The following ISLR2 variants were observed in gnomAD, a reference collection of about 807,000 sequenced individuals.
ISLR2 encodes the protein immunoglobulin superfamily containing leucine-rich repeat protein 2.
ISLR2 carries 16 observed loss-of-function variants against 25.5 expected under a neutral mutation model. That is an observed-to-expected ratio of 0.63 (90% CI 0.43 to 0.95). The LOEUF (loss-of-function observed/expected upper bound fraction) is 0.95, where lower values mean the gene tolerates loss of function less well. ISLR2 is among the 40% of genes least tolerant of loss of function. ISLR2 has a pLI of 0.00. For missense variants in ISLR2, 883 were observed against 1,030.7 expected, an observed-to-expected ratio of 0.86 and a Z score of 1.96; for synonymous variants, 508 against 486.6, an observed-to-expected ratio of 1.04 and a Z score of -0.58.
rs1249263412 is a variant in ISLR2 at position 74,135,239 on chromosome 15, C to G, written c.*247C>G. 5.4e-6 allele frequency: 3 copies of G among 550,640 alleles called. No individual in the cohort carries two copies. Among genetic ancestry groups the G allele is most frequent in the East Asian group, 3.1e-5 (1 of 32,600 alleles). 34.1% of individuals were successfully genotyped at this position (550,640 alleles called of 1,614,324 possible). A position where few individuals can be genotyped will look rare whatever the true frequency, so the allele number is the denominator to read the frequency against. On this transcript the variant is annotated 3_prime_UTR_variant, in exon 3 of 3. Transcript: ENST00000453268. ...CTTCCCCGCCAAGCACAGTGTTTAT[C>G]TTACCCCATGCAAGACTCCACCCGC...
At chr15:74,127,773 G>A (rs1003269682), upstream of ISLR2, 1 of 152,382 alleles carries the variant, frequency 6.6e-6, no homozygotes. Context: ...CAAGTCCCCA[G>A]ATCCAACCGG....
upstream of ISLR2, chr15:74,126,459 GC>G (rs1291624037): frequency 7.0e-6 from 1 of 143,698 alleles, no homozygotes; most frequent in Non-Finnish European, 1.5e-5. Context: ...AGATTCTCCT[GC>G]CTCAGCCTCC....
Position 74,133,501 on chromosome 15 carries a change from A to G in ISLR2, c.747A>G (p.Pro249=). The change falls in exon 3 of 3, where the codon CCA becomes CCG. Residue 249 remains proline, a synonymous_variant. Coordinates refer to ENST00000453268, the MANE Select transcript of ISLR2 (RefSeq NM_020851.3). ...CACCGCTTGAAGCACCCGGCACCCC[A>G]CTGCGCGCAGGACTGGCGTTCGTGT... ...AEPPLEAPGT[P]LRAGLAFVLH... The G allele has an allele frequency of 6.2e-7, 1 of 1,613,886 alleles. No homozygotes were observed. The highest frequency in any genetic ancestry group is 8.5e-7 in the Non-Finnish European group (1 of 1,179,948).
chr15:74,122,413 C>T lies in ISLR2; in HGVS notation n.229-8794C>T, dbSNP rs185755914. On this transcript the variant is annotated intron_variant and non_coding_transcript_variant, in intron 2 of 3. Transcript: ENST00000561975. ...GGAGTCCCATCCCCCAGGGGCAGCC[C>T]TTGGCCAATGTCTGACTGCTGTGCA... is the stretch of plus-strand genomic sequence containing the variant. Among the ~76,000 whole-genome samples, 790 of 152,374 alleles carry T rather than the reference C, an allele frequency of 5.2e-3. 9 individuals carry two copies. Among genetic ancestry groups the T allele is most frequent in the Admixed American group, 5.7e-3 (87 of 15,310 alleles).
Position 74,133,126 on chromosome 15 carries a change from G to T in ISLR2, c.372G>T (p.Ala124=). ...FPWSDLRNLS[A]LQLLKMNHNR... Reference sequence around the variant, plus strand: ...GGAGCGACCTGCGCAACCTGAGCGCGCTGCAGCTGCTCAAAATGAACCACA... The same window carrying T: ...GGAGCGACCTGCGCAACCTGAGCGCTCTGCAGCTGCTCAAAATGAACCACA... The change falls in exon 3 of 3, where the codon GCG becomes GCT. Residue 124 remains alanine (A), a synonymous_variant. Coordinates refer to ENST00000453268, the MANE Select transcript of ISLR2 (RefSeq NM_020851.3). 2.5e-6 allele frequency: 4 copies of T among 1,612,680 alleles called. No homozygotes were observed. The highest frequency in any genetic ancestry group is 3.4e-6 in the Non-Finnish European group (4 of 1,179,980).
intron 2 of ISLR2, among the ~76,000 whole-genome samples, chr15:74,113,195 G>A (rs566552182): frequency 6.6e-6 from 1 of 152,352 alleles, no homozygotes; most frequent in East Asian, 1.9e-4. Context: ...CGGAGCTCAG[G>A]CAGTAATGCT....
Position 74,112,113 on chromosome 15 carries a change from A to G in ISLR2, n.228+8199A>G, listed in dbSNP as rs188678604. On this transcript the variant is annotated intron_variant and non_coding_transcript_variant, in intron 2 of 3. Transcript: ENST00000561975. ...ATTTTTAAAGTTGCTTTAGGCAAAA[A>G]TATTAAATAAAAATAATATTGATTG... Among the ~76,000 whole-genome samples the G allele has an allele frequency of 1.3e-3, 204 of 152,362 alleles. 3 individuals are homozygous for G. The highest frequency in any genetic ancestry group is 4.8e-3 in the African/African-American group (198 of 41,582).
At chr15:74,116,256 A>C (rs2072210006) in intron 2 of ISLR2, among the ~76,000 whole-genome samples, 1 of 152,136 alleles carries the variant, frequency 6.6e-6, no homozygotes, top group South Asian at 2.1e-4. Context: ...TATGGGATTA[A>C]AAGCAGTTAA....
intron 2 of ISLR2, among the ~76,000 whole-genome samples, chr15:74,117,337 T>C (rs1312353816): frequency 6.6e-6 from 1 of 152,164 alleles, no homozygotes; most frequent in Non-Finnish European, 1.5e-5. Context: ...GAAATTGCAA[T>C]TTTTTGTTGC....
At chr15:74,129,112 C>T (rs753585920), upstream of ISLR2, 4 of 453,010 alleles carry the variant, frequency 8.8e-6, no homozygotes, top group African/African-American at 8.0e-5. This position sits in a 1 kb window ranked among gnomAD's most constrained non-coding sequence, Gnocchi z 4.5. Context: ...GGGGGGACTC[C>T]AGGCCCGAGC....
chr15:74,134,155 C>T lies in ISLR2; in HGVS notation c.1401C>T (p.Tyr467=), dbSNP rs773761053. The part of the protein sequence containing the change: ...QRCGNGDPSR[Y]VSNHAFNQSA... ...GTGGCAACGGGGACCCCTCTCGGTA[C>T]GTTTCTAACCACGCGTTCAACCAGA... The change falls in exon 3 of 3, where the codon TAC becomes TAT. Residue 467 remains tyrosine (Y), a synonymous_variant. Coordinates refer to ENST00000453268, the MANE Select transcript of ISLR2 (RefSeq NM_020851.3). The T allele has an allele frequency of 5.6e-6, 9 of 1,613,336 alleles. No homozygotes were observed. Among genetic ancestry groups the T allele is most frequent in the African/African-American group, 2.7e-5 (2 of 75,046 alleles).
rs2072470852 is a variant in ISLR2 at position 74,133,265 on chromosome 15, A to G, written c.511A>G (p.Ser171Gly). Reference sequence around the variant, plus strand: ...GGCGCCTGGCACCTTCGACGCGCTTAGCGCGCTGTCACACTTGCAACTCTA... The same window carrying G: ...GGCGCCTGGCACCTTCGACGCGCTTGGCGCGCTGTCACACTTGCAACTCTA... The part of the protein sequence containing the change: ...TLAPGTFDAL[S>G]ALSHLQLYHN... The change falls in exon 3 of 3, where the codon AGC becomes GGC. Residue 171 changes from serine (S) to glycine (G), a missense_variant. Physicochemically the swap from Ser to Gly is moderately conservative, Grantham distance 56. Around this residue, in one of 2 missense-constraint regions of ISLR2, gnomAD observed 271 missense variants for 387.9 expected, o/e 0.70. Transcript: ENST00000453268. The G allele has an allele frequency of 2.5e-6, 4 of 1,611,576 alleles. No homozygotes were observed. The East Asian group carries it at 8.9e-5, about 36-fold the overall frequency.
intron 2 of ISLR2, among the ~76,000 whole-genome samples, chr15:74,108,918 G>A (rs2072143891): frequency 6.6e-6 from 1 of 152,204 alleles, no homozygotes; most frequent in Admixed American, 6.5e-5. Flanking sequence ...CCCAGGCCCA[G>A]GGTGTGACCT....
upstream of ISLR2, chr15:74,128,376 C>T (rs1304116098): frequency 6.8e-6 from 3 of 441,480 alleles, no homozygotes; most frequent in Admixed American, 2.7e-5. Context: ...GAGCTAGAGC[C>T]TCCGGGCCCG....
chr15:74,123,968 C>T (rs1051859483), upstream of ISLR2, among the ~76,000 whole-genome samples: 3 of 152,050 alleles, frequency 2.0e-5, no homozygotes, highest in Non-Finnish European at 2.9e-5. Flanking sequence ...GTTTGATCCT[C>T]AGCCCAAATA....
At chr15:74,120,037 G>T (rs141223083) in intron 2 of ISLR2, among the ~76,000 whole-genome samples, 1,840 of 152,314 alleles carry the variant, frequency 0.012, 21 homozygotes, top group Middle Eastern at 0.024. Context: ...CATGCATAGA[G>T]CTCTCCATTT....
intron 2 of ISLR2, among the ~76,000 whole-genome samples, chr15:74,116,221 G>T (rs925001753): frequency 6.6e-6 from 1 of 151,842 alleles, no homozygotes; most frequent in Non-Finnish European, 1.5e-5. Flanking sequence ...AGAATTACTA[G>T]AGACGAAAAA....
At chr15:74,106,124 G>A (rs1432957967) in intron 2 of ISLR2, among the ~76,000 whole-genome samples, 1 of 152,172 alleles carries the variant, frequency 6.6e-6, no homozygotes, top group African/African-American at 2.4e-5. Flanking sequence ...CCAGGAGTTT[G>A]AGGCTGCAGT....
At position 74,134,313 on chromosome 15, in the gene ISLR2, C is replaced by A. The variant is rs1049576057; in HGVS notation, c.1559C>A (p.Pro520Gln). Reference protein sequence around the residue: ...GPGPGGAGGAPRPGRRPLRLL... With the variant: ...GPGPGGAGGAQRPGRRPLRLL... ...GGGCCCGGCGGGGCTGGCGGAGCCCCGCGACCCGGGCGGCGACCCCTGCGC... is the reference window on the plus strand; with the variant it reads ...GGGCCCGGCGGGGCTGGCGGAGCCCAGCGACCCGGGCGGCGACCCCTGCGC... Residue 520 changes from proline to glutamine, a missense_variant, in exon 3 of 3, where the codon CCG becomes CAG. Around this residue, in one of 2 missense-constraint regions of ISLR2, gnomAD observed 612 missense variants for 642.8 expected, o/e 0.95. Transcript: ENST00000453268. 3.2e-5 allele frequency: 49 copies of A among 1,530,018 alleles called. No homozygotes were observed. The highest frequency in any genetic ancestry group is 3.9e-5 in the Non-Finnish European group (45 of 1,140,892). The allele number at this position is 1,530,018 out of a possible 1,614,324, so 94.8% of individuals were successfully genotyped here. A position where few individuals can be genotyped will look rare whatever the true frequency, so the allele number is the denominator to read the frequency against.
Sources: allele counts gnomAD v4.1 joint callset (sites outside exome capture counted in the v4.1 genomes callset), GRCh38; gene constraint gnomAD v4.1.1; regional missense constraint gnomAD v4.1.1; non-coding constraint Gnocchi (gnomAD v3.1); transcripts MANE v1.5; gene names NCBI Gene and HGNC (gene_info 2026-07-23, HGNC 2026-07-21).